Variants in SYNPR observed in about 807,000 individuals in gnomAD.
SYNPR encodes synaptoporin.
Under a neutral mutation model 32.9 loss-of-function variants are expected in SYNPR, and 23 were observed. The observed-to-expected ratio is 0.70, with a 90% confidence interval of 0.50 to 0.99. The LOEUF (loss-of-function observed/expected upper bound fraction) is 0.99. Among genes scored for constraint, SYNPR ranks in the 50% least tolerant of loss-of-function variants. The pLI is 0.00. For missense variants in SYNPR, 318 were observed against 349.3 expected, an observed-to-expected ratio of 0.91 and a Z score of 0.71; for synonymous variants, 146 against 135.9, an observed-to-expected ratio of 1.07 and a Z score of -0.52.
At chr3:63,472,726 A>G (rs1700827073) in intron 2 of SYNPR, among the ~76,000 whole-genome samples, 1 of 152,090 alleles carries the variant, frequency 6.6e-6, no homozygotes, top group African/African-American at 2.4e-5. Flanking sequence ...CCTTCCGCCA[A>G]TCCACTTACC....
At chr3:63,565,614 G>C (rs1366227234) in intron 4 of SYNPR, among the ~76,000 whole-genome samples, 2 of 152,078 alleles carry the variant, frequency 1.3e-5, no homozygotes, top group Non-Finnish European at 2.9e-5. Flanking sequence ...ACAACACAAG[G>C]CTTTTCAAGA....
chr3:63,246,602 T>C (rs577963588), intron 1 of SYNPR, among the ~76,000 whole-genome samples: 3 of 152,138 alleles, frequency 2.0e-5, no homozygotes, highest in African/African-American at 7.2e-5. Context: ...AAAGTTCTCA[T>C]TGATAAAGTG....
intron 2 of SYNPR, among the ~76,000 whole-genome samples, chr3:63,288,845 G>C (rs2106927660): frequency 6.6e-6 from 1 of 152,230 alleles, no homozygotes; most frequent in Non-Finnish European, 1.5e-5. Context: ...TCTTTGAGGA[G>C]GGGAAAAAGA....
intron 2 of SYNPR, among the ~76,000 whole-genome samples, chr3:63,255,664 G>A (rs574682717): frequency 6.6e-6 from 1 of 152,314 alleles, no homozygotes; most frequent in South Asian, 2.1e-4. Context: ...ACAGCTCCCA[G>A]TGTGAGCGAC....
At chr3:63,391,873 T>C (rs2088142521) in intron 2 of SYNPR, among the ~76,000 whole-genome samples, 1 of 152,194 alleles carries the variant, frequency 6.6e-6, no homozygotes, top group African/African-American at 2.4e-5. Context: ...ATGTACCCGA[T>C]GTCTCGTGGC....
At chr3:63,254,101 AG>A (rs1163665271) in intron 2 of SYNPR, among the ~76,000 whole-genome samples, 33 of 152,166 alleles carry the variant, frequency 2.2e-4, no homozygotes, top group African/African-American at 6.8e-4. Context: ...TCTCACTCAT[AG>A]GTGGGAATTG....
chr3:63,472,303 A>C (rs184654934), intron 2 of SYNPR, among the ~76,000 whole-genome samples: 205 of 152,298 alleles, frequency 1.3e-3, no homozygotes, highest in African/African-American at 4.6e-3. Flanking sequence ...TGACTGCTTC[A>C]CTTAGGAGTA....
At chr3:63,609,637 T>C (rs1700170740) in intron 5 of SYNPR, among the ~76,000 whole-genome samples, 1 of 152,208 alleles carries the variant, frequency 6.6e-6, no homozygotes, top group South Asian at 2.1e-4. Context: ...CCGGACGCAA[T>C]GGCTCACGCC....
At chr3:63,540,581 G>A (rs752378702) in intron 3 of SYNPR, among the ~76,000 whole-genome samples, 34 of 151,534 alleles carry the variant, frequency 2.2e-4, no homozygotes, top group Non-Finnish European at 4.0e-4. Context: ...AGAGGGAAGG[G>A]GAAATGGTTG....
intron 3 of SYNPR, among the ~76,000 whole-genome samples, chr3:63,551,929 C>A (rs1198464619): frequency 1.3e-5 from 2 of 151,306 alleles, no homozygotes; most frequent in Admixed American, 6.6e-5. Flanking sequence ...CGGAGCTTGG[C>A]TCTTGTTGTC....
chr3:63,457,040 C>T (rs1047114138), intron 2 of SYNPR, among the ~76,000 whole-genome samples: 2 of 152,026 alleles, frequency 1.3e-5, no homozygotes, highest in Admixed American at 6.6e-5. Flanking sequence ...GGTAAGAAGT[C>T]GCTGTATATA....
intron 2 of SYNPR, among the ~76,000 whole-genome samples, chr3:63,262,668 C>T (rs1404248271): frequency 6.6e-6 from 1 of 152,114 alleles, no homozygotes; most frequent in African/African-American, 2.4e-5. Flanking sequence ...CAAAGCCCAG[C>T]CCTAGTCCCA....
At chr3:63,478,955 A>G (rs1045340229) in intron 2 of SYNPR, among the ~76,000 whole-genome samples, 1 of 152,182 alleles carries the variant, frequency 6.6e-6, no homozygotes, top group Non-Finnish European at 1.5e-5. Context: ...TACTACTAAT[A>G]CTAATTGCTT....
At chr3:63,224,870 A>G (rs2106868434), upstream of SYNPR, among the ~76,000 whole-genome samples, 1 of 152,336 alleles carries the variant, frequency 6.6e-6, no homozygotes, top group South Asian at 2.1e-4. Context: ...TCATCAAGGT[A>G]GATTGCCTGG....
intron 1 of SYNPR, among the ~76,000 whole-genome samples, chr3:63,245,326 A>G (rs1236305559): frequency 7.9e-6 from 1 of 125,970 alleles, no homozygotes; most frequent in Non-Finnish European, 1.8e-5. Context: ...AAGAAATGTT[A>G]TTTTTATTTA....
chr3:63,571,758 AG>A (rs1702891173), intron 4 of SYNPR, among the ~76,000 whole-genome samples: 1 of 152,174 alleles, frequency 6.6e-6, no homozygotes, highest in African/African-American at 2.4e-5. Context: ...CGTATTCCTA[AG>A]GTGCTTAGTG....
the SYNPR span, among the ~76,000 whole-genome samples, chr3:63,208,816 G>A: frequency 2.6e-5 from 4 of 152,082 alleles, no homozygotes; most frequent in Non-Finnish European, 4.4e-5. Context: ...TGGCATAGCC[G>A]GTTAGTAAGA....
At chr3:63,458,038 T>C (rs1485897015) in intron 2 of SYNPR, among the ~76,000 whole-genome samples, 1 of 152,174 alleles carries the variant, frequency 6.6e-6, no homozygotes, top group East Asian at 1.9e-4. Flanking sequence ...CTAATCCCAG[T>C]TATTCATTCA....
chr3:63,575,850 G>C (rs895108982), intron 4 of SYNPR, among the ~76,000 whole-genome samples: 3 of 152,150 alleles, frequency 2.0e-5, no homozygotes, highest in African/African-American at 4.8e-5. Flanking sequence ...TTGGAAGAAA[G>C]ATACTGAGGC....
Sources: allele counts gnomAD v4.1 joint callset (sites outside exome capture counted in the v4.1 genomes callset), GRCh38; gene constraint gnomAD v4.1.1; transcripts MANE v1.5; gene names NCBI Gene and HGNC (gene_info 2026-07-23, HGNC 2026-07-21).